Variants in MECOM observed in about 807,000 individuals in gnomAD.
MECOM encodes histone-lysine N-methyltransferase MECOM.
MECOM carries 13 observed loss-of-function variants against 116.3 expected under a neutral mutation model. That is an observed-to-expected ratio of 0.11 (90% CI 0.07 to 0.18). The LOEUF is 0.18. MECOM is among the 10% of genes least tolerant of loss of function. MECOM has a pLI of 1.00. For synonymous variants in MECOM, 528 were observed against 535.2 expected (o/e 0.99, Z 0.19); for missense variants, 1,299 against 1,509.0 (o/e 0.86, Z 2.31).
intron 2 of MECOM, among the ~76,000 whole-genome samples, chr3:169,342,055 A>T (rs1051150452): frequency 6.6e-6 from 1 of 152,054 alleles, no homozygotes; most frequent in Admixed American, 6.6e-5. Flanking sequence ...TCAAAATAGC[A>T]TGTTCTCAAT....
intron 2 of MECOM, among the ~76,000 whole-genome samples, chr3:169,346,232 C>A (rs903095602): frequency 2.0e-5 from 3 of 152,068 alleles, no homozygotes; most frequent in African/African-American, 7.2e-5. Flanking sequence ...AGGCTCATAA[C>A]AACCTAATTG....
intron 2 of MECOM, among the ~76,000 whole-genome samples, chr3:169,324,788 G>A (rs16853516): frequency 0.019 from 2,818 of 152,282 alleles, 86 homozygotes; most frequent in African/African-American, 0.065. Flanking sequence ...TGCCGTTAAC[G>A]CAGTTTGCCA....
At chr3:169,231,079 A>G (rs1753336616) in intron 2 of MECOM, among the ~76,000 whole-genome samples, 1 of 152,072 alleles carries the variant, frequency 6.6e-6, no homozygotes, top group South Asian at 2.1e-4. Context: ...GTGGAAATAA[A>G]ATCTTTGACA....
chr3:169,172,872 G>A (rs185579927), intron 2 of MECOM, among the ~76,000 whole-genome samples: 1 of 151,988 alleles, frequency 6.6e-6, no homozygotes, highest in South Asian at 2.1e-4. Flanking sequence ...GAAAAATAAG[G>A]TCCCAATGCT....
intron 1 of MECOM, among the ~76,000 whole-genome samples, chr3:169,650,966 T>A (rs148825604): frequency 1.3e-5 from 2 of 152,258 alleles, no homozygotes; most frequent in African/African-American, 4.8e-5. Flanking sequence ...ATCCAAGGTA[T>A]ATTAAGTTTA....
chr3:169,245,406 T>G (rs1424598594), intron 2 of MECOM, among the ~76,000 whole-genome samples: 1 of 152,218 alleles, frequency 6.6e-6, no homozygotes, highest in Non-Finnish European at 1.5e-5. Context: ...ATATTATATT[T>G]GACAAGCTGG....
chr3:169,319,941 A>G (rs1158734746), intron 2 of MECOM, among the ~76,000 whole-genome samples: 2 of 152,234 alleles, frequency 1.3e-5, no homozygotes, highest in Non-Finnish European at 2.9e-5. Context: ...AGGAGCTTGT[A>G]AATCACCTAA....
In MECOM at chr3:169,611,374, G is replaced by T. The variant is rs1345417664; in HGVS notation, c.37+51962C>A. Among the ~76,000 whole-genome samples, 1 of 152,166 alleles carries T rather than the reference G, an allele frequency of 6.6e-6. No homozygotes were observed. Among genetic ancestry groups the T allele is most frequent in the Admixed American group, 6.5e-5 (1 of 15,272 alleles). Reference sequence around the variant, plus strand: ...GGGATCCTGCAGCTCTCAACCATGCGGAGGAACGCTTCCATTCACACATTT... The same window carrying T: ...GGGATCCTGCAGCTCTCAACCATGCTGAGGAACGCTTCCATTCACACATTT... On this transcript the variant is annotated intron_variant, in intron 1 of 16. Coordinates refer to ENST00000651503, the MANE Select transcript of MECOM (RefSeq NM_004991.4). The surrounding 1 kb of genome is among the most constrained non-coding windows in gnomAD (Gnocchi z 4.1).
chr3:169,168,258 A>G (rs557682814), intron 2 of MECOM, among the ~76,000 whole-genome samples: 29 of 149,548 alleles, frequency 1.9e-4, no homozygotes, highest in South Asian at 1.3e-3. Context: ...TTAGTTGCTC[A>G]GGCTGGACTC....
intron 3 of MECOM, among the ~76,000 whole-genome samples, chr3:169,140,062 A>AAT (rs886375675): frequency 2.6e-5 from 4 of 151,270 alleles, no homozygotes; most frequent in Non-Finnish European, 5.9e-5. Context: ...AATGAAAAAA[A>AAT]AACATTTTTA....
chr3:169,103,575 T>A (rs1724323207), intron 10 of MECOM, among the ~76,000 whole-genome samples: 1 of 152,222 alleles, frequency 6.6e-6, no homozygotes, highest in African/African-American at 2.4e-5. Flanking sequence ...AGAACTGAGA[T>A]GATCACTGCA....
intron 3 of MECOM, among the ~76,000 whole-genome samples, chr3:169,135,452 C>T (rs1194379592): frequency 6.6e-6 from 1 of 151,890 alleles, no homozygotes; most frequent in Non-Finnish European, 1.5e-5. Context: ...AGAAAAAACT[C>T]AATTCTTCCC....
chr3:169,337,431 C>T (rs1227036845), intron 2 of MECOM, among the ~76,000 whole-genome samples: 1 of 152,110 alleles, frequency 6.6e-6, no homozygotes, highest in Non-Finnish European at 1.5e-5. Flanking sequence ...ATCCTTTTGT[C>T]AGTTTCAAGA....
intron 1 of MECOM, among the ~76,000 whole-genome samples, chr3:169,554,726 C>T (rs556255846): frequency 6.6e-6 from 1 of 152,312 alleles, no homozygotes; most frequent in East Asian, 1.9e-4. Context: ...GGGTTGCCAG[C>T]TGCTGCTGTG....
At chr3:169,341,132 A>G (rs974138062) in intron 2 of MECOM, among the ~76,000 whole-genome samples, 1 of 152,230 alleles carries the variant, frequency 6.6e-6, no homozygotes, top group Non-Finnish European at 1.5e-5. Context: ...ATACAATCTT[A>G]AAGTCCCACT....
At chr3:169,524,134 C>G (rs1757708214) in intron 1 of MECOM, among the ~76,000 whole-genome samples, 1 of 150,298 alleles carries the variant, frequency 6.7e-6, no homozygotes, top group Non-Finnish European at 1.5e-5. Context: ...ATCCCTGAAC[C>G]TATCAATAAG....
chr3:169,307,683 C>T lies in MECOM; in HGVS notation c.375+73504G>A, dbSNP rs141165023. Among the ~76,000 whole-genome samples the T allele has an allele frequency of 5.6e-3, 854 of 152,322 alleles. 4 individuals carry two copies. The highest frequency in any genetic ancestry group is 0.019 in the African/African-American group (801 of 41,576). On this transcript the variant is annotated intron_variant, in intron 2 of 16. Coordinates refer to ENST00000651503, the MANE Select transcript of MECOM (RefSeq NM_004991.4). ...AATTTAAAGCTATTAATAGGTAACA[C>T]ATTCAAATGTTTCTAAATAAACAAA...
chr3:169,408,011 C>T (rs1233965002), intron 1 of MECOM, among the ~76,000 whole-genome samples: 1 of 152,250 alleles, frequency 6.6e-6, no homozygotes, highest in East Asian at 1.9e-4. Context: ...TAACAAAGAG[C>T]AGGATATAGT....
chr3:169,148,518 C>G (rs1291127516), intron 2 of MECOM, among the ~76,000 whole-genome samples: 1 of 152,142 alleles, frequency 6.6e-6, no homozygotes, highest in Non-Finnish European at 1.5e-5. Flanking sequence ...TGGAAGTAAA[C>G]GCGTTTTTAT....
Sources: allele counts gnomAD v4.1 joint callset (sites outside exome capture counted in the v4.1 genomes callset), GRCh38; gene constraint gnomAD v4.1.1; non-coding constraint Gnocchi (gnomAD v3.1); transcripts MANE v1.5; gene names NCBI Gene and HGNC (gene_info 2026-07-23, HGNC 2026-07-21).